The following POU6F2 variants were observed in gnomAD, a reference collection of about 807,000 sequenced individuals.
POU6F2 encodes the protein POU domain, class 6, transcription factor 2.
A neutral mutation model predicts 71.3 loss-of-function variants in POU6F2; 31 were observed. That is an observed-to-expected ratio of 0.43 (90% CI 0.33 to 0.59). POU6F2 has a LOEUF of 0.59. Ranked by LOEUF, POU6F2 falls within the 20% of genes least tolerant of loss-of-function variation. The pLI, the probability that POU6F2 is intolerant of heterozygous loss-of-function variation, is 0.04. For missense variants in POU6F2, 783 were observed against 856.8 expected (o/e 0.91, Z 1.07); for synonymous variants, 347 against 355.7 (o/e 0.98, Z 0.27).
At chr7:39,294,490 C>G (rs1282687567) in intron 4 of POU6F2, among the ~76,000 whole-genome samples, 2 of 151,766 alleles carry the variant, frequency 1.3e-5, no homozygotes, top group Admixed American at 6.6e-5. Flanking sequence ...TTTCCTCTGC[C>G]TATCTAGACT....
intron 1 of POU6F2, among the ~76,000 whole-genome samples, chr7:39,080,249 TTAA>T (rs1170430658): frequency 3.3e-5 from 5 of 152,184 alleles, no homozygotes; most frequent in African/African-American, 9.7e-5. Context: ...GCTAAACTAA[TTAA>T]TAATATTTGG....
chr7:39,148,667 T>C (rs1792674533), intron 2 of POU6F2, among the ~76,000 whole-genome samples: 1 of 151,724 alleles, frequency 6.6e-6, no homozygotes, highest in Non-Finnish European at 1.5e-5. Context: ...AATGAGCTGA[T>C]GTTCATGGCA....
chr7:39,413,596 A>G (rs927832673), intron 6 of POU6F2, among the ~76,000 whole-genome samples: 1 of 152,200 alleles, frequency 6.6e-6, no homozygotes, highest in African/African-American at 2.4e-5. Flanking sequence ...TCTCATTTGC[A>G]ATGTCATTGT....
At chr7:39,281,903 A>G (rs1458219897) in intron 4 of POU6F2, among the ~76,000 whole-genome samples, 1 of 152,122 alleles carries the variant, frequency 6.6e-6, no homozygotes, top group African/African-American at 2.4e-5. Flanking sequence ...TGGCTATACT[A>G]ATTTGCATTT....
At chr7:39,248,090 C>T (rs1783851602) in intron 4 of POU6F2, among the ~76,000 whole-genome samples, 1 of 151,680 alleles carries the variant, frequency 6.6e-6, no homozygotes, top group South Asian at 2.1e-4. Context: ...AGTAACTGTT[C>T]TCTTTTCCAG....
rs184683012 is a variant in POU6F2, at chr7:39,014,107, G to A, written c.105+36049G>A. 2.1e-3 allele frequency among the ~76,000 whole-genome samples: 324 copies of A among 152,240 alleles called. 4 individuals are homozygous for A. The highest frequency in any genetic ancestry group is 0.02 in the Admixed American group (299 of 15,290). On this transcript the variant is annotated intron_variant, in intron 1 of 9. Coordinates refer to ENST00000518318, the MANE Select transcript of POU6F2 (RefSeq NM_001370959.1). ...CCAGAAAATCAAATATGGATGTGGCGGAAATATCTTTTCTGGCTAGGAGAA... is the reference window on the plus strand; with the variant it reads ...CCAGAAAATCAAATATGGATGTGGCAGAAATATCTTTTCTGGCTAGGAGAA...
Position 39,218,821 on chromosome 7 carries a change from C to T in POU6F2, c.598+11201C>T, listed in dbSNP as rs141854374. Among the ~76,000 whole-genome samples, 400 of 152,140 alleles carry T rather than the reference C, an allele frequency of 2.6e-3. 2 individuals carry two copies. The highest frequency in any genetic ancestry group is 8.9e-3 in the African/African-American group (369 of 41,496). ...TCCCTACTTTAAGCTGACCATGATT[C>T]GTTCAAATTTGCTGTAGAATACTGA... On this transcript the variant is annotated intron_variant, in intron 4 of 9. Transcript: ENST00000518318.
intron 4 of POU6F2, among the ~76,000 whole-genome samples, chr7:39,314,866 C>T (rs1785232964): frequency 6.6e-6 from 1 of 151,894 alleles, no homozygotes; most frequent in Non-Finnish European, 1.5e-5. Context: ...CTCTTCTGAA[C>T]TTTAAAGTAG....
At chr7:39,459,452 G>GGTTTGGTTTTTT (rs1016811605) in intron 8 of POU6F2, among the ~76,000 whole-genome samples, 9 of 149,046 alleles carry the variant, frequency 6.0e-5, no homozygotes, top group African/African-American at 2.2e-4. Context: ...TGGTTTTGTG[G>GGTTTGGTTTTTT]GTTTTGTTTT....
At chr7:39,267,268 G>T (rs1784264252) in intron 4 of POU6F2, among the ~76,000 whole-genome samples, 1 of 152,194 alleles carries the variant, frequency 6.6e-6, no homozygotes, top group South Asian at 2.1e-4. Context: ...AAGCAAATGG[G>T]ATTGGGCTCT....
intron 7 of POU6F2, among the ~76,000 whole-genome samples, chr7:39,438,166 A>G (rs1381069673): frequency 3.3e-5 from 5 of 151,306 alleles, no homozygotes; most frequent in Non-Finnish European, 5.9e-5. Context: ...TCATTGTTCA[A>G]TTCCCACCTA....
intron 4 of POU6F2, among the ~76,000 whole-genome samples, chr7:39,302,347 A>G (rs1784964238): frequency 6.6e-6 from 1 of 152,170 alleles, no homozygotes; most frequent in African/African-American, 2.4e-5. Flanking sequence ...GGTGATATTT[A>G]TTTCCCTCAC....
Position 39,460,794 on chromosome 7 carries a change from C to A in POU6F2, c.1658+79C>A. On this transcript the variant is annotated intron_variant, in intron 9 of 9. Transcript: ENST00000518318. This position sits in a 1 kb window ranked among gnomAD's most constrained non-coding sequence, Gnocchi z 4.4. The stretch of plus-strand genomic sequence containing the variant: ...TCCTCGCGGTTCAGCTTTTCTTCGT[C>A]GGGTGGGCAAAGCTGGAGGGGCAGA... The A allele has an allele frequency of 7.1e-7, 1 of 1,411,304 alleles. No individual in the cohort carries two copies. The highest frequency in any genetic ancestry group is 9.3e-7 in the Non-Finnish European group (1 of 1,072,368). The allele number at this position is 1,411,304 out of a possible 1,614,324, so 87.4% of individuals were successfully genotyped here. A position where few individuals can be genotyped will look rare whatever the true frequency, so the allele number is the denominator to read the frequency against.
chr7:38,987,791 A>G (rs950291270), intron 1 of POU6F2, among the ~76,000 whole-genome samples: 1 of 152,160 alleles, frequency 6.6e-6, no homozygotes, highest in Non-Finnish European at 1.5e-5. Flanking sequence ...CTAAGAAGAC[A>G]GTAACGTAGG....
At chr7:39,203,968 A>C (rs1013481267) in intron 2 of POU6F2, among the ~76,000 whole-genome samples, 9 of 152,094 alleles carry the variant, frequency 5.9e-5, no homozygotes, top group African/African-American at 2.2e-4. Flanking sequence ...CCTGTACTTA[A>C]AGGTTGCAGC....
chr7:39,386,684 T>C (rs1324855237), intron 5 of POU6F2, among the ~76,000 whole-genome samples: 1 of 152,192 alleles, frequency 6.6e-6, no homozygotes, highest in Non-Finnish European at 1.5e-5. Context: ...TTTATTTTAT[T>C]TATAATTCCT....
At chr7:39,003,845 A>G (rs552908754) in intron 1 of POU6F2, among the ~76,000 whole-genome samples, 2 of 152,258 alleles carry the variant, frequency 1.3e-5, no homozygotes, top group East Asian at 3.9e-4. Context: ...GTATATGCTT[A>G]TGATATAATG....
intron 8 of POU6F2, among the ~76,000 whole-genome samples, chr7:39,453,836 T>G (rs1164207412): frequency 6.6e-6 from 1 of 152,180 alleles, no homozygotes; most frequent in East Asian, 1.9e-4. Context: ...TTTTACCACA[T>G]GCAATTGAAG....
chr7:39,049,161 G>A (rs1918722), intron 1 of POU6F2, among the ~76,000 whole-genome samples: 3,515 of 151,570 alleles, frequency 0.023, 125 homozygotes, highest in African/African-American at 0.079. Context: ...TTTTGGTTTC[G>A]TTATTTTCTA....
Sources: gnomAD v4.1 joint callset for allele counts (sites outside exome capture counted in the v4.1 genomes callset) on GRCh38, gnomAD v4.1.1 for gene constraint, Gnocchi (gnomAD v3.1) non-coding constraint, MANE v1.5 for transcripts, NCBI Gene and HGNC (gene_info 2026-07-23, HGNC 2026-07-21) for gene names.